Variants in IGF1R observed in about 807,000 individuals in gnomAD.
IGF1R encodes the protein insulin-like growth factor 1 receptor.
A neutral mutation model predicts 144.6 loss-of-function variants in IGF1R; 44 were observed. That is an observed-to-expected ratio of 0.30 (90% CI 0.24 to 0.39). IGF1R has a LOEUF of 0.39. IGF1R is among the 10% of genes least tolerant of loss of function. IGF1R has a pLI of 1.00. For missense variants in IGF1R, 1,355 were observed against 1,833.7 expected, an observed-to-expected ratio of 0.74 and a Z score of 4.77; for synonymous variants, 795 against 722.8, an observed-to-expected ratio of 1.10 and a Z score of -1.60.
chr15:98,807,417 T>G (rs1376762381), intron 2 of IGF1R, among the ~76,000 whole-genome samples: 1 of 152,244 alleles, frequency 6.6e-6, no homozygotes, highest in Non-Finnish European at 1.5e-5. Context: ...TTGTGCAACA[T>G]TATGCAATAA....
intron 18 of IGF1R, among the ~76,000 whole-genome samples, chr15:98,940,802 C>T (rs535579452): frequency 6.6e-6 from 1 of 152,332 alleles, no homozygotes; most frequent in African/African-American, 2.4e-5. Flanking sequence ...CACATCCCTC[C>T]GTCATCAGAG....
At chr15:98,681,111 CTG>C (rs567575533) in intron 1 of IGF1R, among the ~76,000 whole-genome samples, 122 of 152,260 alleles carry the variant, frequency 8.0e-4, no homozygotes, top group African/African-American at 2.9e-3. Flanking sequence ...AATCACCTAA[CTG>C]TGCATTTCTT....
intron 2 of IGF1R, among the ~76,000 whole-genome samples, chr15:98,725,341 A>G (rs2054333162): frequency 6.6e-6 from 1 of 152,236 alleles, no homozygotes; most frequent in Non-Finnish European, 1.5e-5. Context: ...CAAAAAAACC[A>G]TGTCTAAATC....
chr15:98,934,046 G>T (rs769151184), intron 15 of IGF1R, among the ~76,000 whole-genome samples: 6 of 151,700 alleles, frequency 4.0e-5, no homozygotes, highest in Admixed American at 6.6e-5. Context: ...AATACGTTTC[G>T]TGTAACCCAG....
intron 1 of IGF1R, among the ~76,000 whole-genome samples, chr15:98,694,352 A>G (rs1195983757): frequency 6.6e-6 from 1 of 152,126 alleles, no homozygotes; most frequent in Non-Finnish European, 1.5e-5. Flanking sequence ...ACGACAATCC[A>G]TTAGCATGCC....
chr15:98,714,120 T>C (rs1356018568), intron 2 of IGF1R, among the ~76,000 whole-genome samples: 1 of 152,196 alleles, frequency 6.6e-6, no homozygotes, highest in South Asian at 2.1e-4. Flanking sequence ...GAAAACATTT[T>C]ACTGCCATCT....
intron 1 of IGF1R, among the ~76,000 whole-genome samples, chr15:98,681,211 A>T (rs1435048591): frequency 1.3e-5 from 2 of 152,084 alleles, no homozygotes; most frequent in Non-Finnish European, 2.9e-5. Flanking sequence ...CTGTGTCTTT[A>T]CAAGTCTGCT....
chr15:98,740,442 CAG>C (rs1255486733), intron 2 of IGF1R, among the ~76,000 whole-genome samples: 6 of 152,210 alleles, frequency 3.9e-5, no homozygotes, highest in African/African-American at 1.4e-4. Flanking sequence ...GAAACCCAAA[CAG>C]AGTCTTGAAG....
chr15:98,787,080 A>G (rs1402226697), intron 2 of IGF1R, among the ~76,000 whole-genome samples: 1 of 152,182 alleles, frequency 6.6e-6, no homozygotes, highest in Non-Finnish European at 1.5e-5. Flanking sequence ...GTAATTGGTC[A>G]TGAGACTTGG....
chr15:98,862,167 C>G (rs1393332335), intron 2 of IGF1R, among the ~76,000 whole-genome samples: 1 of 152,242 alleles, frequency 6.6e-6, no homozygotes, highest in Non-Finnish European at 1.5e-5. Flanking sequence ...AGAATTTGAT[C>G]TGTTTTATGT....
In IGF1R at chr15:98,962,926, G is replaced by A. The variant is rs1211221214; in HGVS notation, c.*5484G>A. Reference sequence around the variant, plus strand: ...TGACTTTAGCGTTTTGTTTCTGCGAGAACATAACGATCACTCATTTTTATG... The same window carrying A: ...TGACTTTAGCGTTTTGTTTCTGCGAAAACATAACGATCACTCATTTTTATG... On this transcript the variant is annotated 3_prime_UTR_variant, in exon 21 of 21. Transcript: ENST00000650285. 2 of 233,684 alleles carry A rather than the reference G, an allele frequency of 8.6e-6. No homozygotes were observed. The highest frequency in any genetic ancestry group is 4.4e-5 in the African/African-American group (2 of 45,460). 14.5% of individuals were successfully genotyped at this position (233,684 alleles called of 1,614,324 possible).
At chr15:98,914,021 C>G (rs1040037176) in intron 8 of IGF1R, among the ~76,000 whole-genome samples, 3 of 152,206 alleles carry the variant, frequency 2.0e-5, no homozygotes, top group Admixed American at 6.5e-5. Flanking sequence ...CCAGAAGCCA[C>G]AAAGTGCAAG....
intron 1 of IGF1R, among the ~76,000 whole-genome samples, chr15:98,657,458 T>G (rs1346528425): frequency 1.3e-5 from 2 of 152,220 alleles, no homozygotes; most frequent in African/African-American, 4.8e-5. Flanking sequence ...ATTTATTCTC[T>G]TTACCTAATT....
intron 2 of IGF1R, among the ~76,000 whole-genome samples, chr15:98,833,934 C>T (rs1407501948): frequency 6.6e-6 from 1 of 152,188 alleles, no homozygotes; most frequent in Non-Finnish European, 1.5e-5. Flanking sequence ...CATGATAACT[C>T]TGGTAATTAC....
chr15:98,939,776 C>G (rs982508167), intron 18 of IGF1R, among the ~76,000 whole-genome samples: 1 of 152,248 alleles, frequency 6.6e-6, no homozygotes, highest in Non-Finnish European at 1.5e-5. Context: ...CAGGGACCCA[C>G]ATTGGTTTCT....
intron 2 of IGF1R, among the ~76,000 whole-genome samples, chr15:98,817,912 T>G (rs1419678934): frequency 6.6e-6 from 1 of 152,234 alleles, no homozygotes; most frequent in African/African-American, 2.4e-5. Context: ...GCGTCATGGT[T>G]GGAGAAGCAT....
intron 2 of IGF1R, among the ~76,000 whole-genome samples, chr15:98,870,312 T>C (rs982327996): frequency 4.6e-5 from 7 of 152,250 alleles, no homozygotes; most frequent in Non-Finnish European, 7.3e-5. Flanking sequence ...TCTTTGATTG[T>C]AAACACGATC....
chr15:98,767,709 A>G (rs2055469034), intron 2 of IGF1R, among the ~76,000 whole-genome samples: 1 of 152,176 alleles, frequency 6.6e-6, no homozygotes, highest in Non-Finnish European at 1.5e-5. Context: ...TGTTAAAGGA[A>G]TAGAGCGCAC....
At chr15:98,857,403 G>T (rs1409436716) in intron 2 of IGF1R, among the ~76,000 whole-genome samples, 1 of 152,182 alleles carries the variant, frequency 6.6e-6, no homozygotes, top group Admixed American at 6.5e-5. Context: ...ATTTTCAGTA[G>T]AGACGGGGTT....
Sources: gnomAD v4.1 joint callset for allele counts (sites outside exome capture counted in the v4.1 genomes callset) on GRCh38, gnomAD v4.1.1 for gene constraint, MANE v1.5 for transcripts, NCBI Gene and HGNC (gene_info 2026-07-23, HGNC 2026-07-21) for gene names.